The following TSPAN16 variants were observed in gnomAD, a reference collection of about 807,000 sequenced individuals.
The protein encoded by TSPAN16 is tetraspanin 16.
TSPAN16 carries 23 observed loss-of-function variants against 25.2 expected under a neutral mutation model. The ratio of observed to expected loss-of-function variants is 0.91; its 90% CI spans 0.66 to 1.29. The LOEUF (loss-of-function observed/expected upper bound fraction) is 1.29. Among genes scored for constraint, TSPAN16 ranks in the 50% most tolerant of loss-of-function variants. The pLI, the probability that TSPAN16 is intolerant of heterozygous loss-of-function variation, is 0.00. For missense variants in TSPAN16, 272 were observed against 299.9 expected (o/e 0.91, Z 0.69); for synonymous variants, 123 against 124.4 (o/e 0.99, Z 0.08).
intron 1 of TSPAN16, 68 bp downstream of exon 1, chr19:11,296,434 A>T: frequency 6.5e-7 from 1 of 1,530,750 alleles, no homozygotes; most frequent in Non-Finnish European, 9.0e-7. Context: ...TCCCTGAAAG[A>T]CAGAAATAAG....
chr19:11,318,768 TCCTGAATAGTTG>T (rs1456069581), downstream of TSPAN16, among the ~76,000 whole-genome samples: 2 of 152,028 alleles, frequency 1.3e-5, no homozygotes, highest in Non-Finnish European at 2.9e-5. Context: ...TGCCTCAGCC[TCCTGAATAGTTG>T]GAGTTACAGG....
chr19:11,312,021 G>A (rs966234500), intron 5 of TSPAN16, 118 bp from the exon 6 acceptor site: 48 of 727,932 alleles, frequency 6.6e-5, no homozygotes, highest in Admixed American at 5.6e-4. Flanking sequence ...CTCTCTCCCC[G>A]CTTCTCCTCA....
At chr19:11,326,891 T>C (rs187911466) in exon 7 of TSPAN16, 6 of 566,064 alleles carry the variant, frequency 1.1e-5, no homozygotes, top group African/African-American at 9.7e-5. Flanking sequence ...TTTACCAGCG[T>C]GAGCCACCAC....
chr19:11,314,889 T>C (rs1311196354), intron 6 of TSPAN16, among the ~76,000 whole-genome samples: 1 of 152,096 alleles, frequency 6.6e-6, no homozygotes, highest in East Asian at 1.9e-4. Context: ...CCGGAAGTTA[T>C]GTGGCAGTGG....
intron 5 of TSPAN16, among the ~76,000 whole-genome samples, chr19:11,311,099 A>ATGCCTCTCATGCCTCTCATGCC (rs2080686052): frequency 1.5e-5 from 2 of 130,476 alleles, no homozygotes; most frequent in African/African-American, 6.0e-5. Context: ...GGCCTCTCAG[A>ATGCCTCTCATGCCTCTCATGCC]GTTCTGGGAT....
rs996164422 is a variant in TSPAN16, at chr19:11,307,446, T to A, written c.603+690T>A. Among the ~76,000 whole-genome samples, 4 of 149,672 alleles carry A rather than the reference T, an allele frequency of 2.7e-5. No individual in the cohort carries two copies. In the Admixed American group the frequency reaches 2.7e-4, roughly 10 times the overall value. On this transcript the variant is annotated intron_variant, in intron 5 of 6. Coordinates refer to ENST00000590327, the MANE Select transcript of TSPAN16 (RefSeq NM_001282509.2). Reference sequence around the variant, plus strand: ...TATTTTTATTTTTTTAGAGATAGGGTCTCACTCTGTTGCCCAGGCAGGAGT... The same window carrying A: ...TATTTTTATTTTTTTAGAGATAGGGACTCACTCTGTTGCCCAGGCAGGAGT...
At chr19:11,308,893 G>A (rs2080659559) in intron 5 of TSPAN16, among the ~76,000 whole-genome samples, 1 of 152,092 alleles carries the variant, frequency 6.6e-6, no homozygotes, top group Non-Finnish European at 1.5e-5. Context: ...ACAGGCATGA[G>A]CCACCCTGCC....
At chr19:11,321,747 T>A (rs75050549) in intron 6 of TSPAN16, among the ~76,000 whole-genome samples, 5 of 152,100 alleles carry the variant, frequency 3.3e-5, no homozygotes, top group Non-Finnish European at 7.4e-5. Flanking sequence ...TTACTGCAAG[T>A]AAGGTGGGAG....
At chr19:11,298,676 C>T (rs2080507480) in intron 2 of TSPAN16, among the ~76,000 whole-genome samples, 196 bp from the exon 3 acceptor site, 1 of 152,078 alleles carries the variant, frequency 6.6e-6, no homozygotes. Flanking sequence ...TCGTGATCCA[C>T]CCGCCTCGGT....
intron 5 of TSPAN16, among the ~76,000 whole-genome samples, chr19:11,311,283 C>T (rs569692247): frequency 6.0e-4 from 91 of 152,214 alleles, no homozygotes; most frequent in Non-Finnish European, 1.1e-3. Context: ...TTACAGGCAC[C>T]GCCACCATGC....
In TSPAN16 at chr19:11,306,627, C is replaced by A; in HGVS notation, c.474C>A (p.Asn158Lys). Reference sequence around the variant, plus strand: ...AGCTAAAGTGCTGTGGGGTGAATAACTACACAGATTTTTCTGGCTCTTCCT... The same window carrying A: ...AGCTAAAGTGCTGTGGGGTGAATAAATACACAGATTTTTCTGGCTCTTCCT... ...MEKLKCCGVNNYTDFSGSSFE... is the reference protein window; with the variant it reads ...MEKLKCCGVNKYTDFSGSSFE... The change falls in exon 5 of 7, where the codon AAC (asparagine) becomes AAA (lysine). Residue 158 changes from asparagine to lysine, a missense_variant. By Grantham distance (94) the Asn-to-Lys change is moderately conservative. Transcript: ENST00000590327. 6.2e-7 allele frequency: 1 copy of A among 1,613,650 alleles called. No homozygotes were observed. The highest frequency in any genetic ancestry group is 8.5e-7 in the Non-Finnish European group (1 of 1,180,004).
chr19:11,308,020 T>C (rs2080648584), intron 5 of TSPAN16: 1 of 152,216 alleles, frequency 6.6e-6, no homozygotes, highest in African/African-American at 2.4e-5. Context: ...GTGATCATCC[T>C]AGCGGGAGTG....
intron 5 of TSPAN16, among the ~76,000 whole-genome samples, chr19:11,310,027 C>A (rs1402245863): frequency 1.3e-5 from 2 of 151,888 alleles, no homozygotes; most frequent in African/African-American, 2.4e-5. Context: ...ATTGCTTGAA[C>A]CCAGGAGTTC....
downstream of TSPAN16, among the ~76,000 whole-genome samples, chr19:11,320,673 C>CAA (rs34867288): frequency 8.6e-3 from 988 of 114,362 alleles, 16 homozygotes; most frequent in African/African-American, 0.027. Flanking sequence ...ACCTTGTCTC[C>CAA]AAAAAAAAAA....
chr19:11,300,588 G>A (rs568838275), intron 3 of TSPAN16, among the ~76,000 whole-genome samples: 1 of 152,222 alleles, frequency 6.6e-6, no homozygotes, highest in South Asian at 2.1e-4. Context: ...AAACCAAAGA[G>A]GAAGAATAGT....
chr19:11,310,264 G>A (rs975401181), intron 5 of TSPAN16, among the ~76,000 whole-genome samples: 5 of 152,072 alleles, frequency 3.3e-5, no homozygotes, highest in African/African-American at 4.8e-5. Flanking sequence ...GGTGGCTCAC[G>A]CCTGTAGTCC....
chr19:11,310,439 C>T (rs1018542144), intron 5 of TSPAN16, among the ~76,000 whole-genome samples: 2 of 151,316 alleles, frequency 1.3e-5, no homozygotes, highest in South Asian at 2.1e-4. Flanking sequence ...TGCTTGAACC[C>T]GGGAGGCGGA....
chr19:11,319,109 G>A (rs1044433343), downstream of TSPAN16, among the ~76,000 whole-genome samples: 33 of 152,178 alleles, frequency 2.2e-4, no homozygotes, highest in Admixed American at 1.8e-3. Context: ...TAAGGGCTGA[G>A]TCCCACAAAA....
chr19:11,316,476 C>T (rs1320476038), downstream of TSPAN16, among the ~76,000 whole-genome samples: 3 of 152,138 alleles, frequency 2.0e-5, no homozygotes, highest in Non-Finnish European at 1.5e-5. Context: ...CAAGAACATC[C>T]ATCCAGAGAA....
Sources: allele counts gnomAD v4.1 joint callset (sites outside exome capture counted in the v4.1 genomes callset), GRCh38; gene constraint gnomAD v4.1.1; transcripts MANE v1.5; gene names NCBI Gene and HGNC (gene_info 2026-07-23, HGNC 2026-07-21).